MALRD1: variants seen among roughly 807,000 people sequenced by gnomAD.
The protein encoded by MALRD1 is MAM and LDL-receptor class A domain-containing protein 1.
In MALRD1, 247 loss-of-function variants were observed where a neutral mutation model predicts 242.1. That is an observed-to-expected ratio of 1.02 (90% confidence interval 0.92 to 1.13). MALRD1 has a LOEUF of 1.13. MALRD1 is among the 50% of genes most tolerant of loss of function. MALRD1 has a pLI of 0.00. For missense variants in MALRD1, 2,989 were observed against 2,533.1 expected, an observed-to-expected ratio of 1.18 and a Z score of -3.86; for synonymous variants, 995 against 866.6, an observed-to-expected ratio of 1.15 and a Z score of -2.60.
chr10:19,343,806 T>G (rs1190989160), intron 24 of MALRD1, among the ~76,000 whole-genome samples: 1 of 152,152 alleles, frequency 6.6e-6, no homozygotes, highest in Non-Finnish European at 1.5e-5. Context: ...AACAAGTGTT[T>G]CCACGTCCTT....
At position 19,348,024 on chromosome 10, in the gene MALRD1, G is replaced by A; in HGVS notation, c.4149+6G>A. 6.5e-7 allele frequency: 1 copy of A among 1,547,748 alleles called. No homozygotes were observed. The highest frequency in any genetic ancestry group is 1.2e-5 in the South Asian group (1 of 83,670). ...AGAGAAGCAAAAACTGCAAGGTATG[G>A]GGAAAATCGAACCAACCAACCAAAC... On this transcript the variant is annotated splice_donor_region_variant and intron_variant, in intron 25 of 39. Coordinates refer to ENST00000454679, the MANE Select transcript of MALRD1 (RefSeq NM_001142308.3).
intron 11 of MALRD1, among the ~76,000 whole-genome samples, chr10:19,151,058 A>T (rs1833928741): frequency 6.6e-6 from 1 of 152,162 alleles, no homozygotes; most frequent in African/African-American, 2.4e-5. Flanking sequence ...TAGTGACAAA[A>T]TGGGACTACT....
intron 29 of MALRD1, among the ~76,000 whole-genome samples, chr10:19,462,707 AC>A (rs1277115563): frequency 3.3e-5 from 5 of 152,254 alleles, no homozygotes; most frequent in Non-Finnish European, 5.9e-5. Flanking sequence ...GAAGGATATT[AC>A]ACAGATAAGT....
At position 19,333,615 on chromosome 10, in the gene MALRD1, C is replaced by T. The variant is rs917945166; in HGVS notation, c.3901+2033C>T. ...TCGTGCTCCGATGAACATAGGAATG[C>T]GTGTATCTTTTTGGGAAAAAGATCT... On this transcript the variant is annotated intron_variant, in intron 24 of 39. Coordinates refer to ENST00000454679, the MANE Select transcript of MALRD1 (RefSeq NM_001142308.3). Among the ~76,000 whole-genome samples the T allele has an allele frequency of 1.1e-4, 17 of 152,204 alleles. No homozygotes were observed. In the East Asian group the frequency reaches 1.4e-3, roughly 12 times the overall value.
Position 19,049,147 on chromosome 10 carries a change from A to G in MALRD1, c.199+10A>G. 1.6e-6 allele frequency: 2 copies of G among 1,233,776 alleles called. No homozygotes were observed. The highest frequency in any genetic ancestry group is 1.5e-5 in the African/African-American group (1 of 64,602). The allele number at this position is 1,233,776 out of a possible 1,614,324, so 76.4% of individuals were successfully genotyped here. ...AGTGATGAACGGCACTGTAAGTGAC[A>G]TTCTCCTTTCTCCAATTTCAATTCC... On this transcript the variant is annotated intron_variant, in intron 1 of 39. Coordinates refer to ENST00000454679, the MANE Select transcript of MALRD1 (RefSeq NM_001142308.3).
At chr10:19,157,054 C>T (rs568242983) in intron 12 of MALRD1, among the ~76,000 whole-genome samples, 15 of 152,206 alleles carry the variant, frequency 9.9e-5, no homozygotes, top group South Asian at 6.2e-4. Flanking sequence ...TTGTTTTTCA[C>T]GCTTTTCTCT....
chr10:19,645,017 A>T (rs75712970), intron 36 of MALRD1, among the ~76,000 whole-genome samples: 1 of 152,180 alleles, frequency 6.6e-6, no homozygotes. Context: ...ACTTGGAATA[A>T]ATCACATTAA....
intron 24 of MALRD1, among the ~76,000 whole-genome samples, chr10:19,336,250 G>A (rs929936743): frequency 1.3e-5 from 2 of 152,092 alleles, no homozygotes; most frequent in African/African-American, 4.8e-5. Context: ...TTGATACAGA[G>A]ACTTCTATGG....
At chr10:19,594,085 A>C (rs975334564) in intron 33 of MALRD1, among the ~76,000 whole-genome samples, 1 of 152,212 alleles carries the variant, frequency 6.6e-6, no homozygotes, top group African/African-American at 2.4e-5. Context: ...ACTAAGAGAC[A>C]GTAAATAAAT....
intron 10 of MALRD1, among the ~76,000 whole-genome samples, chr10:19,143,347 A>G (rs960459194): frequency 1.3e-5 from 2 of 152,092 alleles, no homozygotes; most frequent in African/African-American, 2.4e-5. Context: ...GGTACTTTCC[A>G]TTTTCACACT....
chr10:19,142,854 T>A (rs144914115), intron 10 of MALRD1, among the ~76,000 whole-genome samples: 208 of 152,332 alleles, frequency 1.4e-3, no homozygotes, highest in African/African-American at 4.4e-3. Flanking sequence ...AGTTTTTGAA[T>A]TACACAGGGG....
At chr10:19,543,466 G>A (rs910440838) in intron 32 of MALRD1, among the ~76,000 whole-genome samples, 1 of 114,460 alleles carries the variant, frequency 8.7e-6, no homozygotes, top group Non-Finnish European at 1.9e-5. Flanking sequence ...GAGAAATGGG[G>A]TCTCACTGTG....
At position 19,607,786 on chromosome 10, in the gene MALRD1, G is replaced by A; in HGVS notation, c.5954G>A (p.Ser1985Asn). The A allele has an allele frequency of 1.3e-6, 2 of 1,547,668 alleles. No individual in the cohort carries two copies. The highest frequency in any genetic ancestry group is 1.7e-6 in the Non-Finnish European group (2 of 1,145,720). Residue 1985 changes from serine (S) to asparagine (N), a missense_variant, in exon 35 of 40, where the codon AGC becomes AAC. Transcript: ENST00000454679. The stretch of plus-strand genomic sequence containing the variant: ...TCTTTTTTTTTTGCAGCCAACAAAA[G>A]CTGTTCTAATGGAGCTCTGGTGTGT... ...NEDELICSNK[S>N]CSNGALVCAS...
At chr10:19,232,347 T>TG (rs1387841103) in intron 18 of MALRD1, among the ~76,000 whole-genome samples, 5 of 151,576 alleles carry the variant, frequency 3.3e-5, no homozygotes, top group South Asian at 2.1e-4. Context: ...TTGTATTTTT[T>TG]TTTTTTTTTT....
At chr10:19,704,268 T>G (rs1438953668) in intron 38 of MALRD1, among the ~76,000 whole-genome samples, 1 of 152,112 alleles carries the variant, frequency 6.6e-6, no homozygotes, top group African/African-American at 2.4e-5. Flanking sequence ...ATAAACTCGG[T>G]GGTATAAACA....
At chr10:19,237,392 T>A (rs1040973108) in intron 18 of MALRD1, among the ~76,000 whole-genome samples, 1 of 150,170 alleles carries the variant, frequency 6.7e-6, no homozygotes, top group Admixed American at 6.8e-5. Context: ...ATGCGGTATT[T>A]GCTTTCTGTG....
chr10:19,361,791 A>G (rs1577302), intron 26 of MALRD1, among the ~76,000 whole-genome samples: 22,533 of 152,142 alleles, frequency 0.15, 1,686 homozygotes, highest in South Asian at 0.16. Flanking sequence ...ATAAAATTAC[A>G]TTCTGCTTAA....
intron 21 of MALRD1, among the ~76,000 whole-genome samples, chr10:19,298,105 G>A (rs1337590568): frequency 6.6e-5 from 10 of 151,880 alleles, no homozygotes; most frequent in African/African-American, 1.9e-4. Flanking sequence ...CATGGTGCCC[G>A]CATCTGCTCA....
intron 17 of MALRD1, among the ~76,000 whole-genome samples, chr10:19,207,394 G>C (rs1836830537): frequency 6.6e-6 from 1 of 152,128 alleles, no homozygotes; most frequent in African/African-American, 2.4e-5. Flanking sequence ...CCCCTTACCT[G>C]GGGGCTTCAG....
Sources: gnomAD v4.1 joint callset for allele counts (sites outside exome capture counted in the v4.1 genomes callset) on GRCh38, gnomAD v4.1.1 for gene constraint, MANE v1.5 for transcripts, NCBI Gene and HGNC (gene_info 2026-07-23, HGNC 2026-07-21) for gene names.